The following CACHD1 variants were observed in gnomAD, a reference collection of about 807,000 sequenced individuals.
CACHD1 encodes VWFA and cache domain-containing protein 1.
Under a neutral mutation model 138.7 loss-of-function variants are expected in CACHD1, and 71 were observed. The ratio of observed to expected loss-of-function variants is 0.51; its 90% CI spans 0.42 to 0.62. The LOEUF (loss-of-function observed/expected upper bound fraction) is 0.62. CACHD1 is among the 20% of genes least tolerant of loss of function. The pLI, the probability that CACHD1 is intolerant of heterozygous loss-of-function variation, is 0.00. For synonymous variants in CACHD1, 578 were observed against 591.5 expected (o/e 0.98, Z 0.33); for missense variants, 1,389 against 1,625.3 (o/e 0.85, Z 2.50).
chr1:64,519,036 T>C (rs1273230644), intron 1 of CACHD1, among the ~76,000 whole-genome samples: 2 of 152,192 alleles, frequency 1.3e-5, no homozygotes, highest in East Asian at 1.9e-4. Context: ...ATGTTAATTA[T>C]TTGAGGTAAT....
At chr1:64,570,680 AAC>A (rs1646920137) in intron 2 of CACHD1, among the ~76,000 whole-genome samples, 1 of 152,156 alleles carries the variant, frequency 6.6e-6, no homozygotes, top group South Asian at 2.1e-4. Context: ...TTGGCAAGGG[AAC>A]ACACAGAATA....
Position 64,673,232 on chromosome 1 carries a change from T to G in CACHD1, c.2585T>G (p.Val862Gly), listed in dbSNP as rs1416392732. The change falls in exon 18 of 27, where the codon GTG (valine) becomes GGG (glycine). Residue 862 changes from valine (V) to glycine (G), a missense_variant. By Grantham distance (109) the Val-to-Gly change is moderately radical. Around this residue, in one of 5 missense-constraint regions of CACHD1, gnomAD observed 1,000 missense variants for 1,114.7 expected, o/e 0.90. Coordinates refer to ENST00000651257, the MANE Select transcript of CACHD1 (RefSeq NM_020925.4). ...ATCGACCCCAAAGGACATGCACCTG[T>G]GGAGCAGCAGCACATCACCCACAAG... is the stretch of plus-strand genomic sequence containing the variant. ...TLIDPKGHAPVEQQHITHKEP... is the reference protein window; with the variant it reads ...TLIDPKGHAPGEQQHITHKEP... 5 of 1,614,110 alleles carry G rather than the reference T, an allele frequency of 3.1e-6. No individual in the cohort carries two copies. Among genetic ancestry groups the G allele is most frequent in the Non-Finnish European group, 4.2e-6 (5 of 1,180,008 alleles).
intron 1 of CACHD1, among the ~76,000 whole-genome samples, chr1:64,471,364 G>A (rs1056391795): frequency 3.3e-5 from 5 of 152,330 alleles, no homozygotes; most frequent in African/African-American, 9.6e-5. Context: ...GCCCCGTCTG[G>A]CTCGGACGAT....
At chr1:64,477,637 T>TATTTA (rs1172198886) in intron 1 of CACHD1, among the ~76,000 whole-genome samples, 11 of 142,710 alleles carry the variant, frequency 7.7e-5, no homozygotes, top group African/African-American at 1.4e-4. Flanking sequence ...TTATTTTATT[T>TATTTA]TTTTTTTTGA....
intron 1 of CACHD1, among the ~76,000 whole-genome samples, chr1:64,546,951 A>G (rs1048922349): frequency 2.0e-5 from 3 of 152,204 alleles, no homozygotes; most frequent in African/African-American, 4.8e-5. Context: ...TTTTTCCTAC[A>G]TGCAAGTATT....
chr1:64,522,308 A>ATTTT (rs11412205), intron 1 of CACHD1, among the ~76,000 whole-genome samples: 1 of 148,846 alleles, frequency 6.7e-6, no homozygotes. Flanking sequence ...CAACCCCCAC[A>ATTTT]TTTTTTTTTT....
At chr1:64,605,784 A>G (rs557854932) in intron 4 of CACHD1, among the ~76,000 whole-genome samples, 1 of 152,154 alleles carries the variant, frequency 6.6e-6, no homozygotes, top group Non-Finnish European at 1.5e-5. Context: ...TTGTCTATTT[A>G]TTGTATTGTT....
intron 2 of CACHD1, among the ~76,000 whole-genome samples, chr1:64,559,953 G>A (rs1182582294): frequency 6.6e-6 from 1 of 151,982 alleles, no homozygotes; most frequent in African/African-American, 2.4e-5. Context: ...AAAGAAATTT[G>A]CTATTTTCAT....
intron 2 of CACHD1, chr1:64,563,893 T>C (rs1312643898): frequency 6.6e-6 from 1 of 152,188 alleles, no homozygotes; most frequent in Non-Finnish European, 1.5e-5. Context: ...AAAATGTAGA[T>C]AAAAGTTGTT....
chr1:64,537,680 G>A (rs1646644250), intron 1 of CACHD1, among the ~76,000 whole-genome samples: 1 of 152,186 alleles, frequency 6.6e-6, no homozygotes, highest in African/African-American at 2.4e-5. Context: ...GACCCAGGTA[G>A]TCCCAAATGA....
intron 2 of CACHD1, among the ~76,000 whole-genome samples, chr1:64,559,466 G>T (rs535069709): frequency 1.3e-5 from 2 of 152,238 alleles, no homozygotes; most frequent in African/African-American, 4.8e-5. Context: ...TGAACACAAA[G>T]AAGGAAACAA....
chr1:64,609,485 C>G (rs576262795), intron 4 of CACHD1, among the ~76,000 whole-genome samples: 1 of 152,276 alleles, frequency 6.6e-6, no homozygotes, highest in East Asian at 1.9e-4. Context: ...TATGCATACA[C>G]AGAATTAAGG....
Position 64,526,172 on chromosome 1 carries a change from T to C in CACHD1, c.199-24422T>C, listed in dbSNP as rs556709781. Among the ~76,000 whole-genome samples, 239 of 152,308 alleles carry C rather than the reference T, an allele frequency of 1.6e-3. 1 individual carries two copies. The highest frequency in any genetic ancestry group is 5.6e-3 in the African/African-American group (234 of 41,572). On this transcript the variant is annotated intron_variant, in intron 1 of 26. Coordinates refer to ENST00000651257, the MANE Select transcript of CACHD1 (RefSeq NM_020925.4). ...TAAAGTAGGTGTAATTGCAATGGTG[T>C]CCACCTATCAAATATGACTGTGTAA...
intron 3 of CACHD1, among the ~76,000 whole-genome samples, chr1:64,587,090 T>TA (rs1647056563): frequency 6.6e-6 from 1 of 152,212 alleles, no homozygotes; most frequent in Admixed American, 6.5e-5. Flanking sequence ...ATCTGGGCCT[T>TA]ATGAACATTT....
intron 13 of CACHD1, 130 bp from the exon 14 acceptor site, chr1:64,663,565 A>T (rs1211406698): frequency 9.3e-6 from 11 of 1,177,112 alleles, no homozygotes; most frequent in Non-Finnish European, 1.2e-5. Flanking sequence ...AAAAAAAAAA[A>T]GAAAAAAAGG....
At chr1:64,549,847 T>G (rs1646746168) in intron 1 of CACHD1, among the ~76,000 whole-genome samples, 1 of 152,136 alleles carries the variant, frequency 6.6e-6, no homozygotes, top group Non-Finnish European at 1.5e-5. Flanking sequence ...GATTCTCATT[T>G]TTTAGTTTGT....
chr1:64,643,184 A>ATG (rs895972128), intron 8 of CACHD1, among the ~76,000 whole-genome samples: 4 of 149,812 alleles, frequency 2.7e-5, no homozygotes, highest in Non-Finnish European at 4.4e-5. Context: ...TCATATTCTG[A>ATG]TGTGCTAAGG....
Position 64,673,382 on chromosome 1 carries a change from C to T in CACHD1, c.2645C>T (p.Pro882Leu), listed in dbSNP as rs1259763581. ...PLVANDILNH[P>L]NFVKKNLCNS... is the part of the protein sequence containing the mutation. Reference sequence around the variant, plus strand: ...GTAGCAAATGATATCCTCAACCACCCCAACTTTGTAAAGAAAAACCTGTGC... The same window carrying T: ...GTAGCAAATGATATCCTCAACCACCTCAACTTTGTAAAGAAAAACCTGTGC... Residue 882 changes from proline (P) to leucine (L), a missense_variant, in exon 19 of 27, where the codon CCC becomes CTC. Pro to Leu is a moderately conservative substitution (Grantham distance 98, BLOSUM62 -3). Transcript: ENST00000651257. The T allele has an allele frequency of 6.2e-7, 1 of 1,614,094 alleles. No individual in the cohort carries two copies. The highest frequency in any genetic ancestry group is 2.2e-5 in the East Asian group (1 of 44,876).
Position 64,471,251 on chromosome 1 carries a change from C to T in CACHD1, c.198+309C>T, listed in dbSNP as rs147567825. 6.3e-3 allele frequency among the ~76,000 whole-genome samples: 963 copies of T among 152,338 alleles called. 3 individuals carry two copies. The highest frequency in any genetic ancestry group is 0.01 in the Non-Finnish European group (704 of 68,028). On this transcript the variant is annotated intron_variant, in intron 1 of 26. Transcript: ENST00000651257. ...CATCTCGTCAAGGATTCTCCAGTTT[C>T]CTCGCACGTCTTCTCTAATTTGCAC... is the stretch of plus-strand genomic sequence containing the variant.
Sources: gnomAD v4.1 joint callset for allele counts (sites outside exome capture counted in the v4.1 genomes callset) on GRCh38, gnomAD v4.1.1 for gene constraint, gnomAD v4.1.1 regional missense constraint, MANE v1.5 for transcripts, NCBI Gene and HGNC (gene_info 2026-07-23, HGNC 2026-07-21) for gene names.